The following ASPH variants were observed in gnomAD, a reference collection of about 807,000 sequenced individuals.
The protein encoded by ASPH is aspartyl/asparaginyl beta-hydroxylase.
A neutral mutation model predicts 118.4 loss-of-function variants in ASPH; 100 were observed. That is an observed-to-expected ratio of 0.84 (90% CI 0.72 to 1.00). The LOEUF (loss-of-function observed/expected upper bound fraction) is 1.00, where lower values mean the gene tolerates loss of function less well. ASPH is among the 50% of genes least tolerant of loss of function. The pLI, the probability that ASPH is intolerant of heterozygous loss-of-function variation, is 0.00. For missense variants in ASPH, 920 were observed against 919.5 expected (o/e 1.00, Z -0.01); for synonymous variants, 315 against 325.6 (o/e 0.97, Z 0.35).
chr8:61,580,644 G>C (rs1046325089), intron 15 of ASPH, among the ~76,000 whole-genome samples: 1 of 152,190 alleles, frequency 6.6e-6, no homozygotes, highest in African/African-American at 2.4e-5. Context: ...GGGAATATTT[G>C]TCCTTGTCTA....
At chr8:61,541,359 G>A (rs1438906972) in intron 21 of ASPH, among the ~76,000 whole-genome samples, 7 of 151,618 alleles carry the variant, frequency 4.6e-5, no homozygotes, top group South Asian at 2.1e-4. Flanking sequence ...GTGAGACTCC[G>A]TCTAAAAAAA....
chr8:61,641,123 G>C (rs927572216), intron 10 of ASPH, among the ~76,000 whole-genome samples: 3 of 152,178 alleles, frequency 2.0e-5, no homozygotes, highest in African/African-American at 7.2e-5. Flanking sequence ...GAAATCCAAA[G>C]TAGCTTACCA....
At position 61,677,406 on chromosome 8, in the gene ASPH, A is replaced by G. The variant is rs576683282; in HGVS notation, c.322+3562T>C. Among the ~76,000 whole-genome samples the G allele has an allele frequency of 2.6e-5, 4 of 152,250 alleles. No homozygotes were observed. In the South Asian group the frequency reaches 8.3e-4, roughly 32 times the overall value. ...GTAAGAAATGTGAACATCCATGACC[A>G]CTGAGCTTTTCTGGTTGGAACCACG... On this transcript the variant is annotated intron_variant, in intron 3 of 24. Transcript: ENST00000379454.
intron 12 of ASPH, 43 bp from the exon 13 acceptor site, chr8:61,633,770 T>C (rs1258182101): frequency 1.4e-6 from 2 of 1,420,112 alleles, no homozygotes; most frequent in Non-Finnish European, 1.9e-6. Flanking sequence ...ATATTGCTGA[T>C]CAGTGTTTAA....
chr8:61,635,082 C>T (rs1857157250), intron 12 of ASPH, among the ~76,000 whole-genome samples: 1 of 152,156 alleles, frequency 6.6e-6, no homozygotes, highest in Non-Finnish European at 1.5e-5. Context: ...TTCTGTATGG[C>T]TTTCTCTTCC....
intron 3 of ASPH, chr8:61,665,649 G>C (rs1819203968): frequency 6.6e-7 from 1 of 1,516,830 alleles, no homozygotes; most frequent in Non-Finnish European, 8.8e-7. Flanking sequence ...TTATTGACAG[G>C]ATCTCTTAAT....
intron 21 of ASPH, among the ~76,000 whole-genome samples, chr8:61,540,317 G>T (rs554040377): frequency 6.6e-6 from 1 of 152,238 alleles, no homozygotes; most frequent in East Asian, 1.9e-4. Context: ...CTCATCAACG[G>T]TTCAGTACCA....
intron 14 of ASPH, among the ~76,000 whole-genome samples, chr8:61,618,463 A>G (rs146665402): frequency 1.3e-5 from 2 of 152,206 alleles, no homozygotes; most frequent in Non-Finnish European, 2.9e-5. Flanking sequence ...CTTTGTTTGT[A>G]TATCTTTCCA....
chr8:61,714,416 G>T lies in ASPH; in HGVS notation c.-45C>A, dbSNP rs1180035019. 8 of 1,409,712 alleles carry T rather than the reference G, an allele frequency of 5.7e-6. No homozygotes were observed. In the East Asian group the frequency reaches 2.4e-4, roughly 43 times the overall value. The allele number at this position is 1,409,712 out of a possible 1,614,324, so 87.3% of individuals were successfully genotyped here. On this transcript the variant is annotated 5_prime_UTR_variant, in exon 1 of 25. The change creates a new upstream start codon in the 5' untranslated region. Coordinates refer to ENST00000379454, the MANE Select transcript of ASPH (RefSeq NM_004318.4). ...GGTGAGGGCTGGCGGACCTCCTTCAGTGCGCGGGGGTACACACGCGACGCG... is the reference window on the plus strand; with the variant it reads ...GGTGAGGGCTGGCGGACCTCCTTCATTGCGCGGGGGTACACACGCGACGCG...
intron 13 of ASPH, among the ~76,000 whole-genome samples, chr8:61,632,386 A>G (rs1342548889): frequency 4.6e-5 from 7 of 152,236 alleles, no homozygotes; most frequent in African/African-American, 1.7e-4. Context: ...GGAATATAAA[A>G]TAATTTTCTG....
At chr8:61,663,665 A>G in intron 3 of ASPH, 1 of 984,294 alleles carries the variant, frequency 1.0e-6, no homozygotes, top group Non-Finnish European at 1.2e-6. Flanking sequence ...AATCCTGACT[A>G]ATCAAAACAT....
intron 17 of ASPH, among the ~76,000 whole-genome samples, chr8:61,564,717 G>A (rs953224812): frequency 2.6e-5 from 4 of 152,228 alleles, no homozygotes; most frequent in Non-Finnish European, 5.9e-5. Flanking sequence ...TGGTCCCTAT[G>A]AATATTAGTC....
At chr8:61,658,470 C>T (rs1321267030) in intron 3 of ASPH, 1 of 152,168 alleles carries the variant, frequency 6.6e-6, no homozygotes, top group Non-Finnish European at 1.5e-5. Flanking sequence ...GGACATGCAA[C>T]TCAGCATGGT....
intron 4 of ASPH, chr8:61,651,366 A>G (rs1810886949): frequency 2.9e-6 from 1 of 349,462 alleles, no homozygotes; most frequent in Non-Finnish European, 5.1e-6. Context: ...AAGATTTTTA[A>G]AGAAAACTCA....
intron 5 of ASPH, among the ~76,000 whole-genome samples, chr8:61,650,707 AAC>A (rs1008956784): frequency 1.3e-5 from 2 of 152,166 alleles, no homozygotes. Context: ...GGTGGAGCAC[AAC>A]ACCTGGATGA....
chr8:61,556,804 G>A (rs1351849552), intron 18 of ASPH, among the ~76,000 whole-genome samples: 1 of 152,184 alleles, frequency 6.6e-6, no homozygotes, highest in African/African-American at 2.4e-5. Context: ...TGTGCATGTA[G>A]GGAAAGATGC....
At chr8:61,677,098 T>C (rs1825781351) in intron 3 of ASPH, among the ~76,000 whole-genome samples, 1 of 152,094 alleles carries the variant, frequency 6.6e-6, no homozygotes, top group Non-Finnish European at 1.5e-5. Flanking sequence ...ATCAAGGCCT[T>C]AGCTGGTCAC....
intron 14 of ASPH, among the ~76,000 whole-genome samples, chr8:61,616,052 C>T (rs557094640): frequency 6.6e-6 from 1 of 152,264 alleles, no homozygotes; most frequent in Admixed American, 6.5e-5. Context: ...TCTGTCTATT[C>T]CTGCATTTCC....
rs147029859 is a variant in ASPH at position 61,662,876 on chromosome 8, T to C, written c.323-9216A>G. 8.2e-4 allele frequency: 812 copies of C among 984,370 alleles called. 8 individuals carry two copies. The African/African-American group carries it at 0.012, about 15-fold the overall frequency. 61.0% of individuals were successfully genotyped at this position (984,370 alleles called of 1,614,324 possible). On this transcript the variant is annotated intron_variant, in intron 3 of 24. Transcript: ENST00000379454. ...ACAATTCTTATGTGCTTTTGATGAT[T>C]AGGTTATTCCAAAATATTTTCACTC... is the stretch of plus-strand genomic sequence containing the variant.
Sources: allele counts gnomAD v4.1 joint callset (sites outside exome capture counted in the v4.1 genomes callset), GRCh38; gene constraint gnomAD v4.1.1; transcripts MANE v1.5; gene names NCBI Gene and HGNC (gene_info 2026-07-23, HGNC 2026-07-21).